Variants in DNAJC13 observed in about 807,000 individuals in gnomAD.
DNAJC13 encodes DnaJ heat shock protein family (Hsp40) member C13, also known as dnaJ homolog subfamily C member 13.
Under a neutral mutation model 290.5 loss-of-function variants are expected in DNAJC13, and 75 were observed. The observed-to-expected ratio is 0.26, with a 90% confidence interval of 0.21 to 0.31. The LOEUF (loss-of-function observed/expected upper bound fraction) is 0.31. Among genes scored for constraint, DNAJC13 ranks in the 10% least tolerant of loss-of-function variants. The pLI, the probability that DNAJC13 is intolerant of heterozygous loss-of-function variation, is 1.00. For synonymous variants in DNAJC13, 862 were observed against 892.0 expected, an observed-to-expected ratio of 0.97 and a Z score of 0.60; for missense variants, 2,260 against 2,674.5, an observed-to-expected ratio of 0.85 and a Z score of 3.42.
intron 46 of DNAJC13, among the ~76,000 whole-genome samples, chr3:132,515,550 C>CT (rs901059687): frequency 2.7e-5 from 4 of 150,768 alleles, no homozygotes; most frequent in Admixed American, 2.6e-4. Flanking sequence ...GTTGGTTTTT[C>CT]TTTTTTCTTG....
chr3:132,500,693 A>G (rs1479344047), intron 38 of DNAJC13, 101 bp from the exon 39 acceptor site: 1 of 1,476,954 alleles, frequency 6.8e-7, no homozygotes, highest in Non-Finnish European at 9.3e-7. Context: ...ATATACCATT[A>G]AGCATTATTC....
In DNAJC13 at chr3:132,477,877, G is replaced by A. The variant is rs779235373; in HGVS notation, c.2534G>A (p.Gly845Glu). The change falls in exon 23 of 56, where the codon GGA (glycine) becomes GAA (glutamate). Residue 845 changes from glycine to glutamate, a missense_variant. Physicochemically the swap from Gly to Glu is moderately conservative, Grantham distance 98. Around this residue, in one of 3 missense-constraint regions of DNAJC13, gnomAD observed 1,494 missense variants for 1,693.7 expected, o/e 0.88. Coordinates refer to ENST00000260818, the MANE Select transcript of DNAJC13 (RefSeq NM_015268.4). Reference sequence around the variant, plus strand: ...GAGGAAGATGAGAATGAAGAAAGTGGATCAATTAAGAGATCGTGAGCTACT... The same window carrying A: ...GAGGAAGATGAGAATGAAGAAAGTGAATCAATTAAGAGATCGTGAGCTACT... Reference protein sequence around the residue: ...LLEEDENEESGSIKRSYEFFN... With the variant: ...LLEEDENEESESIKRSYEFFN... 2 of 1,612,640 alleles carry A rather than the reference G, an allele frequency of 1.2e-6. No individual in the cohort carries two copies. The highest frequency in any genetic ancestry group is 2.7e-5 in the African/African-American group (2 of 74,824).
At chr3:132,535,116 C>T (rs1363457815) in intron 55 of DNAJC13, among the ~76,000 whole-genome samples, 1 of 152,202 alleles carries the variant, frequency 6.6e-6, no homozygotes, top group African/African-American at 2.4e-5. Flanking sequence ...TAACTGATAT[C>T]TTTAGGTGAG....
rs1388644637 is a variant in DNAJC13 at position 132,538,274 on chromosome 3, C to A, written c.6724C>A (p.Gln2242Lys). 6.2e-7 allele frequency: 1 copy of A among 1,613,310 alleles called. No homozygotes were observed. Among genetic ancestry groups the A allele is most frequent in the Admixed American group, 1.7e-5 (1 of 59,992 alleles). The change falls in exon 56 of 56, where the codon CAG (glutamine) becomes AAG (lysine). Residue 2242 changes from glutamine to lysine, a missense_variant. Coordinates refer to ENST00000260818, the MANE Select transcript of DNAJC13 (RefSeq NM_015268.4). ...VDHEAGDLGY[Q>K]T ...CCATGAGGCAGGCGACCTTGGCTAT[C>A]AGACTTGAAATATTCACGAGAGACA... is the stretch of plus-strand genomic sequence containing the variant.
At chr3:132,466,217 A>T in intron 18 of DNAJC13, 82 bp from the exon 19 acceptor site, 2 of 1,476,014 alleles carry the variant, frequency 1.4e-6, no homozygotes, top group Admixed American at 2.0e-5. Flanking sequence ...TCAATAGCTA[A>T]GCCACAGTAT....
chr3:132,456,215 T>A lies in DNAJC13; in HGVS notation c.933-20T>A, dbSNP rs768972251. On this transcript the variant is annotated intron_variant, in intron 9 of 55. Transcript: ENST00000260818. ...TAATCATCAATGCTAAAACCTTTTT[T>A]TACTTTTAATCTTACTTAGAGATTC... The A allele has an allele frequency of 6.2e-7, 1 of 1,606,074 alleles. No individual in the cohort carries two copies. The highest frequency in any genetic ancestry group is 8.5e-7 in the Non-Finnish European group (1 of 1,177,432).
intron 43 of DNAJC13, among the ~76,000 whole-genome samples, chr3:132,508,746 C>T (rs1406138919): frequency 1.3e-5 from 2 of 152,066 alleles, no homozygotes; most frequent in Non-Finnish European, 2.9e-5. Context: ...ACATGTACCC[C>T]CGAATCTAAA....
At chr3:132,471,017 G>A (rs1934219191) in intron 20 of DNAJC13, among the ~76,000 whole-genome samples, 1 of 137,294 alleles carries the variant, frequency 7.3e-6, no homozygotes, top group African/African-American at 2.7e-5. Flanking sequence ...CGGGCGGAGG[G>A]CTGACCCCCC....
intron 53 of DNAJC13, among the ~76,000 whole-genome samples, chr3:132,526,632 T>A (rs1443436344): frequency 6.6e-6 from 1 of 152,212 alleles, no homozygotes. Context: ...TTTAGCTTGA[T>A]TTGTAAAATG....
chr3:132,480,563 A>G (rs1934634299), intron 26 of DNAJC13, 93 bp downstream of exon 26: 2 of 929,058 alleles, frequency 2.2e-6, no homozygotes, highest in Non-Finnish European at 3.3e-6. Context: ...AGATGTGGTC[A>G]CACACTTATT....
At chr3:132,527,019 A>C (rs1398644193) in intron 53 of DNAJC13, among the ~76,000 whole-genome samples, 2 of 152,228 alleles carry the variant, frequency 1.3e-5, no homozygotes, top group Non-Finnish European at 2.9e-5. Flanking sequence ...AAGGCTTTTA[A>C]GATCTATTGT....
intron 20 of DNAJC13, among the ~76,000 whole-genome samples, chr3:132,471,573 T>G (rs1156641945): frequency 7.7e-6 from 1 of 129,776 alleles, no homozygotes; most frequent in African/African-American, 3.0e-5. Flanking sequence ...AGATGGGGTC[T>G]CGGCCGGGCA....
chr3:132,527,117 T>C (rs1201904440), intron 53 of DNAJC13, among the ~76,000 whole-genome samples: 1 of 152,248 alleles, frequency 6.6e-6, no homozygotes. Context: ...AAAATAAGTA[T>C]TTGTAATGGT....
intron 53 of DNAJC13, among the ~76,000 whole-genome samples, chr3:132,527,453 A>C (rs1321166930): frequency 6.6e-6 from 1 of 152,206 alleles, no homozygotes; most frequent in East Asian, 1.9e-4. Flanking sequence ...GAGATACTGG[A>C]TGCTCTAAGG....
intron 55 of DNAJC13, among the ~76,000 whole-genome samples, chr3:132,533,511 T>G (rs1936492092): frequency 6.6e-6 from 1 of 151,912 alleles, no homozygotes; most frequent in Admixed American, 6.5e-5. Context: ...AATTTTTGTA[T>G]TTTTAGTAGA....
intron 28 of DNAJC13, 66 bp from the exon 29 acceptor site, chr3:132,484,522 C>A: frequency 7.0e-7 from 1 of 1,433,170 alleles, no homozygotes; most frequent in Non-Finnish European, 9.8e-7. Context: ...AGTAGAATGT[C>A]GTATGCTCTG....
intron 36 of DNAJC13, among the ~76,000 whole-genome samples, chr3:132,497,746 T>C (rs1267596613): frequency 6.6e-6 from 1 of 152,216 alleles, no homozygotes; most frequent in Non-Finnish European, 1.5e-5. Flanking sequence ...GTTATCAAGG[T>C]CATCTTTAAC....
chr3:132,531,699 AGGC>A (rs1936421188), intron 55 of DNAJC13, among the ~76,000 whole-genome samples: 1 of 151,996 alleles, frequency 6.6e-6, no homozygotes, highest in African/African-American at 2.4e-5. Context: ...CGGGAGGCTG[AGGC>A]AGGAGAATGG....
In DNAJC13 at chr3:132,442,172, G is replaced by T. The variant is rs549467929; in HGVS notation, c.69-4303G>T. Among the ~76,000 whole-genome samples the T allele has an allele frequency of 2.4e-4, 36 of 149,252 alleles. 1 individual carries two copies. The highest frequency in any genetic ancestry group is 6.4e-4 in the African/African-American group (26 of 40,618). Reference sequence around the variant, plus strand: ...GTTTTAAAAAATTGTTGGTTTTTTTGTGTGTGTGTCTTTTTCAACATGGGG... The same window carrying T: ...GTTTTAAAAAATTGTTGGTTTTTTTTTGTGTGTGTCTTTTTCAACATGGGG... On this transcript the variant is annotated intron_variant, in intron 2 of 55. Transcript: ENST00000260818.
Sources: allele counts gnomAD v4.1 joint callset (sites outside exome capture counted in the v4.1 genomes callset), GRCh38; gene constraint gnomAD v4.1.1; regional missense constraint gnomAD v4.1.1; transcripts MANE v1.5; gene names NCBI Gene and HGNC (gene_info 2026-07-23, HGNC 2026-07-21).